MALRD1: variants seen among roughly 807,000 people sequenced by gnomAD.
MALRD1 encodes the protein MAM and LDL receptor class A domain containing 1.
A neutral mutation model predicts 242.1 loss-of-function variants in MALRD1; 247 were observed. The ratio of observed to expected loss-of-function variants is 1.02; its 90% CI spans 0.92 to 1.13. The LOEUF (loss-of-function observed/expected upper bound fraction) is 1.13. MALRD1 is among the 50% of genes most tolerant of loss of function. The probability of loss-of-function intolerance (pLI) is 0.00; values close to 1 mark genes in which losing one functional copy is unlikely to be tolerated. For missense variants in MALRD1, 2,989 were observed against 2,533.1 expected (o/e 1.18, Z -3.86); for synonymous variants, 995 against 866.6 (o/e 1.15, Z -2.60).
In MALRD1 at chr10:19,391,467, A is replaced by G. The variant is rs575833145; in HGVS notation, c.4845+1858A>G. Among the ~76,000 whole-genome samples the G allele has an allele frequency of 2.6e-5, 4 of 152,314 alleles. No individual in the cohort carries two copies. In the South Asian group the frequency reaches 8.3e-4, roughly 32 times the overall value. On this transcript the variant is annotated intron_variant, in intron 28 of 39. Coordinates refer to ENST00000454679, the MANE Select transcript of MALRD1 (RefSeq NM_001142308.3). Reference sequence around the variant, plus strand: ...TTGCTCATTAGCTTGAAAGCATCCTAGCTAGATGGTAAGCCCAATAAAGGC... The same window carrying G: ...TTGCTCATTAGCTTGAAAGCATCCTGGCTAGATGGTAAGCCCAATAAAGGC...
chr10:19,379,556 C>T (rs917689699), intron 26 of MALRD1, among the ~76,000 whole-genome samples: 1 of 152,122 alleles, frequency 6.6e-6, no homozygotes. Context: ...TGGTTACTTA[C>T]AAATATGTTG....
chr10:19,277,976 A>G (rs74121440), intron 19 of MALRD1, among the ~76,000 whole-genome samples: 183 of 152,282 alleles, frequency 1.2e-3, no homozygotes, highest in African/African-American at 4.3e-3. Context: ...CCTACAATTC[A>G]TGCTTCACAC....
chr10:19,583,875 G>A (rs1258892528), intron 33 of MALRD1, among the ~76,000 whole-genome samples: 1 of 152,086 alleles, frequency 6.6e-6, no homozygotes, highest in African/African-American at 2.4e-5. Context: ...TGGTTGGTAA[G>A]CTATTGATTA....
rs186709744 is a variant in MALRD1 at position 19,363,216 on chromosome 10, A to G, written c.4441+10919A>G. 1.6e-3 allele frequency among the ~76,000 whole-genome samples: 239 copies of G among 152,296 alleles called. 1 individual carries two copies. The highest frequency in any genetic ancestry group is 5.1e-3 in the African/African-American group (213 of 41,582). ...ATCATCAAAGAATGAATAGACATTT[A>G]TTCCTTGAAGAATGAATAATAAAGG... On this transcript the variant is annotated intron_variant, in intron 26 of 39. Transcript: ENST00000454679.
intron 14 of MALRD1, among the ~76,000 whole-genome samples, chr10:19,198,294 A>G (rs575475878): frequency 1.3e-5 from 2 of 152,280 alleles, no homozygotes; most frequent in East Asian, 3.9e-4. Context: ...TGAGCAACAT[A>G]TTTGCATTGG....
At chr10:19,297,017 CTTTT>C (rs1841734596) in intron 21 of MALRD1, among the ~76,000 whole-genome samples, 2 of 151,202 alleles carry the variant, frequency 1.3e-5, no homozygotes, top group Non-Finnish European at 3.0e-5. Context: ...TCTATAATGC[CTTTT>C]GTGATCTACT....
intron 14 of MALRD1, among the ~76,000 whole-genome samples, chr10:19,178,142 T>C (rs1835339463): frequency 6.6e-6 from 1 of 152,178 alleles, no homozygotes; most frequent in Admixed American, 6.5e-5. Context: ...TGGAGAATTC[T>C]TTTCTTAAAT....
chr10:19,689,722 T>G (rs1409405834), intron 36 of MALRD1, among the ~76,000 whole-genome samples: 1 of 152,194 alleles, frequency 6.6e-6, no homozygotes, highest in Non-Finnish European at 1.5e-5. Context: ...AAGTTATCCA[T>G]GTTCCTGGTA....
chr10:19,732,548 C>G (rs1427786049), intron 39 of MALRD1, among the ~76,000 whole-genome samples: 1 of 152,210 alleles, frequency 6.6e-6, no homozygotes, highest in Non-Finnish European at 1.5e-5. Context: ...CAGGCGTGAG[C>G]CACTGTACCT....
chr10:19,374,030 G>A (rs1168256746), intron 26 of MALRD1, among the ~76,000 whole-genome samples: 2 of 152,174 alleles, frequency 1.3e-5, no homozygotes, highest in African/African-American at 4.8e-5. Context: ...AATTGTTTAA[G>A]CGGCTATTTG....
intron 14 of MALRD1, among the ~76,000 whole-genome samples, chr10:19,184,912 A>G (rs1835671671): frequency 6.6e-6 from 1 of 152,208 alleles, no homozygotes; most frequent in Non-Finnish European, 1.5e-5. Flanking sequence ...TTATGCTAAT[A>G]AACAATCATA....
chr10:19,350,577 A>T (rs531988030), intron 25 of MALRD1, among the ~76,000 whole-genome samples: 1 of 152,106 alleles, frequency 6.6e-6, no homozygotes, highest in African/African-American at 2.4e-5. Flanking sequence ...GTGCCTGCCA[A>T]TGCTTAGAAG....
intron 38 of MALRD1, among the ~76,000 whole-genome samples, chr10:19,724,319 T>C (rs1834914025): frequency 6.6e-6 from 1 of 152,146 alleles, no homozygotes; most frequent in Admixed American, 6.6e-5. Flanking sequence ...TCACCAAAAA[T>C]GGCAATCAAT....
In MALRD1 at chr10:19,104,013, A is replaced by T. The variant is rs1836375579; in HGVS notation, c.632A>T (p.Glu211Val). The T allele has an allele frequency of 1.6e-6, 2 of 1,233,728 alleles. No individual in the cohort carries two copies. The highest frequency in any genetic ancestry group is 3.1e-5 in the African/African-American group (2 of 64,476). 76.4% of individuals were successfully genotyped at this position (1,233,728 alleles called of 1,614,324 possible). Reference protein sequence around the residue: ...VFEGQMASTYEQDEVIAIDDI... With the variant: ...VFEGQMASTYVQDEVIAIDDI... ...GAAGGTCAAATGGCTTCAACGTATG[A>T]ACAGGATGAAGTCATTGCTATTGAT... The change falls in exon 5 of 40, where the codon GAA becomes GTA. Residue 211 changes from glutamate to valine, a missense_variant. By Grantham distance (121) the Glu-to-Val change is moderately radical. Coordinates refer to ENST00000454679, the MANE Select transcript of MALRD1 (RefSeq NM_001142308.3).
At chr10:19,212,942 A>C (rs1368252732) in intron 18 of MALRD1, among the ~76,000 whole-genome samples, 2 of 151,018 alleles carry the variant, frequency 1.3e-5, no homozygotes, top group African/African-American at 4.9e-5. Context: ...TTTGTTTTTC[A>C]TTATTAAATT....
intron 35 of MALRD1, among the ~76,000 whole-genome samples, chr10:19,610,260 A>G (rs1448613235): frequency 2.0e-5 from 3 of 151,882 alleles, no homozygotes; most frequent in African/African-American, 7.2e-5. Context: ...CAGTTTTGTA[A>G]TATACAATAT....
At chr10:19,216,020 G>A (rs563219324) in intron 18 of MALRD1, among the ~76,000 whole-genome samples, 6 of 151,432 alleles carry the variant, frequency 4.0e-5, no homozygotes, top group African/African-American at 1.5e-4. Flanking sequence ...TTCCTTGTCA[G>A]TGATACATTA....
intron 32 of MALRD1, among the ~76,000 whole-genome samples, chr10:19,564,681 T>A (rs1417628261): frequency 2.0e-5 from 3 of 152,242 alleles, no homozygotes; most frequent in African/African-American, 7.2e-5. Context: ...TGAGTTGCCG[T>A]TTTAGTTAAG....
chr10:19,266,392 T>G (rs116038121), intron 19 of MALRD1, among the ~76,000 whole-genome samples: 2,313 of 152,076 alleles, frequency 0.015, 62 homozygotes, highest in African/African-American at 0.053. Context: ...TATAGGTTTT[T>G]GCTATGTGTT....
Sources: allele counts gnomAD v4.1 joint callset (sites outside exome capture counted in the v4.1 genomes callset), GRCh38; gene constraint gnomAD v4.1.1; transcripts MANE v1.5; gene names NCBI Gene and HGNC (gene_info 2026-07-23, HGNC 2026-07-21).